Variants in SLF2 observed in about 807,000 individuals in gnomAD.
SLF2 encodes the protein SMC5/6 complex localization factor 2.
In SLF2, 68 loss-of-function variants were observed where a neutral mutation model predicts 124.3. That is an observed-to-expected ratio of 0.55 (90% CI 0.45 to 0.67). The LOEUF is 0.67. Ranked by LOEUF, SLF2 falls within the 30% of genes least tolerant of loss-of-function variation. SLF2 has a pLI of 0.00. For missense variants in SLF2, 1,246 were observed against 1,373.7 expected, an observed-to-expected ratio of 0.91 and a Z score of 1.47; for synonymous variants, 480 against 478.8, an observed-to-expected ratio of 1.00 and a Z score of -0.03.
chr10:100,917,619 C>T (rs11190752), intron 3 of SLF2, among the ~76,000 whole-genome samples: 13,605 of 152,146 alleles, frequency 0.089, 724 homozygotes, highest in African/African-American at 0.15. Flanking sequence ...CTCTGTTGCT[C>T]ATGCTGGAGT....
At chr10:100,947,217 C>A in intron 14 of SLF2, 81 bp downstream of exon 14, 1 of 808,892 alleles carries the variant, frequency 1.2e-6, no homozygotes, top group Non-Finnish European at 1.9e-6. Flanking sequence ...TATTTCCATT[C>A]ATCATTCTTT....
chr10:100,926,045 CT>C lies in SLF2; in HGVS notation c.2042+27del, dbSNP rs1178395674. 3 of 1,614,122 alleles carry C rather than the reference CT, an allele frequency of 1.9e-6. No homozygotes were observed. The South Asian group carries it at 3.3e-5, about 18-fold the overall frequency. The stretch of plus-strand genomic sequence containing the variant: ...GTTTGTTAGCATAAAGATTAATTTG[CT>C]AAATTTAACATTTTGCTTGTTTGTG... On this transcript the variant is annotated intron_variant, in intron 6 of 19. Transcript: ENST00000238961.
chr10:100,917,919 C>CAAAT (rs76103040), intron 3 of SLF2, among the ~76,000 whole-genome samples: 11,597 of 151,656 alleles, frequency 0.076, 594 homozygotes, highest in Non-Finnish European at 0.11. Flanking sequence ...GGCTCTACTA[C>CAAAT]AAATAAATAA....
chr10:100,912,994 A>G lies in SLF2; in HGVS notation c.-117A>G, dbSNP rs1849343414. On this transcript the variant is annotated 5_prime_UTR_variant, in exon 1 of 20. Transcript: ENST00000238961. Reference sequence around the variant, plus strand: ...GAAGAGAGAACCGCCATGAAGAGAGAAGGGGGTGCCGCCCACCTCTGCTCC... The same window carrying G: ...GAAGAGAGAACCGCCATGAAGAGAGGAGGGGGTGCCGCCCACCTCTGCTCC... 3 of 1,124,096 alleles carry G rather than the reference A, an allele frequency of 2.7e-6. No homozygotes were observed. The highest frequency in any genetic ancestry group is 3.8e-6 in the Non-Finnish European group (3 of 790,802). The allele number at this position is 1,124,096 out of a possible 1,614,324, so 69.6% of individuals were successfully genotyped here. A position where few individuals can be genotyped will look rare whatever the true frequency, so the allele number is the denominator to read the frequency against.
Position 100,924,289 on chromosome 10 carries a change from G to A in SLF2, c.1288G>A (p.Gly430Ser). 1 of 1,614,070 alleles carries A rather than the reference G, an allele frequency of 6.2e-7. No individual in the cohort carries two copies. Among genetic ancestry groups the A allele is most frequent in the South Asian group, 1.1e-5 (1 of 91,082 alleles). The change falls in exon 5 of 20, where the codon GGT becomes AGT. Residue 430 changes from glycine (G) to serine (S), a missense_variant. Around this residue, in one of 3 missense-constraint regions of SLF2, gnomAD observed 698 missense variants for 708.9 expected, o/e 0.98. Transcript: ENST00000238961. The stretch of plus-strand genomic sequence containing the variant: ...GAATAGTGACCAAATCCAAGTGGCA[G>A]GTACCAAGGAGACTAAGATGCAGAA... Reference protein sequence around the residue: ...TRNSDQIQVAGTKETKMQKPH... With the variant: ...TRNSDQIQVASTKETKMQKPH...
At chr10:100,960,549 G>A (rs1407478253) in intron 19 of SLF2, among the ~76,000 whole-genome samples, 3 of 152,112 alleles carry the variant, frequency 2.0e-5, no homozygotes, top group Non-Finnish European at 4.4e-5. Context: ...TTGGTCATTT[G>A]TATAGCTTTT....
At chr10:100,945,004 T>A (rs1286197156) in intron 12 of SLF2, among the ~76,000 whole-genome samples, 1 of 151,758 alleles carries the variant, frequency 6.6e-6, no homozygotes, top group Non-Finnish European at 1.5e-5. Flanking sequence ...TACTCCAGCC[T>A]GGGCGACAGA....
chr10:100,927,963 G>C (rs2133775399), intron 6 of SLF2, among the ~76,000 whole-genome samples: 1 of 149,422 alleles, frequency 6.7e-6, no homozygotes, highest in East Asian at 2.0e-4. Context: ...GGTTCACACA[G>C]GTAGAATTTT....
chr10:100,957,233 G>A (rs370429179), intron 18 of SLF2, among the ~76,000 whole-genome samples: 2 of 150,512 alleles, frequency 1.3e-5, no homozygotes, highest in South Asian at 4.2e-4. Context: ...GAAATTTTAT[G>A]ATGGTTGAAA....
intron 6 of SLF2, chr10:100,926,251 G>A: frequency 6.6e-7 from 1 of 1,522,474 alleles, no homozygotes; most frequent in East Asian, 2.5e-5. Flanking sequence ...CAAGGCTGCG[G>A]TGAGTCGTGA....
In SLF2 at chr10:100,929,951, G is replaced by A; in HGVS notation, c.2287G>A (p.Asp763Asn). 6.4e-7 allele frequency: 1 copy of A among 1,563,276 alleles called. No homozygotes were observed. The highest frequency in any genetic ancestry group is 1.4e-5 in the African/African-American group (1 of 72,730). ...IFNQYTLDLR[D>N]SGFIGQSAVE... ...CAATCAGTATACCTTGGATTTAAGA[G>A]ACTCTGGTTTTATTGGACAAAGTGC... The change falls in exon 8 of 20, where the codon GAC becomes AAC. Residue 763 changes from aspartate (D) to asparagine (N), a missense_variant. By Grantham distance (23) the Asp-to-Asn change is conservative. This residue lies in a region of SLF2 where 535 missense variants were observed against 632.8 expected (regional missense o/e 0.85). Coordinates refer to ENST00000238961, the MANE Select transcript of SLF2 (RefSeq NM_018121.4).
Position 100,925,990 on chromosome 10 carries a change from T to C in SLF2, c.2013T>C (p.Arg671=). 1 of 1,612,966 alleles carries C rather than the reference T, an allele frequency of 6.2e-7. No homozygotes were observed. Among genetic ancestry groups the C allele is most frequent in the Non-Finnish European group, 8.5e-7 (1 of 1,179,474 alleles). The part of the protein sequence containing the change: ...HPGTYTNTLE[R]LVKEMEDTQR... ...GAACTTACACAAATACCTTAGAACG[T>C]CTAGTGAAGGAAATGGAAGACACAC... Residue 671 remains arginine (R), a synonymous_variant, in exon 6 of 20, where the codon CGT becomes CGC. Transcript: ENST00000238961.
chr10:100,958,019 A>C (rs1361882170), intron 18 of SLF2, among the ~76,000 whole-genome samples: 7 of 152,200 alleles, frequency 4.6e-5, no homozygotes, highest in Non-Finnish European at 8.8e-5. Flanking sequence ...ACTGCACTCC[A>C]GCCTGGGCGA....
At chr10:100,913,404 A>C in intron 1 of SLF2, 154 bp downstream of exon 1, 1 of 1,360,070 alleles carries the variant, frequency 7.4e-7, no homozygotes, top group Non-Finnish European at 9.5e-7. Context: ...GCCTCCGCGC[A>C]GGGGCTACTG....
At chr10:100,915,583 C>G (rs1040226810) in intron 1 of SLF2, among the ~76,000 whole-genome samples, 1 of 151,998 alleles carries the variant, frequency 6.6e-6, no homozygotes, top group African/African-American at 2.4e-5. Flanking sequence ...AATTTTAAAA[C>G]GCAGCTGTGC....
At chr10:100,923,387 AG>A (rs1849555059) in intron 4 of SLF2, among the ~76,000 whole-genome samples, 1 of 152,152 alleles carries the variant, frequency 6.6e-6, no homozygotes, top group Non-Finnish European at 1.5e-5. Flanking sequence ...GCATCACTCC[AG>A]TCACATAGCA....
chr10:100,931,289 A>T (rs908849165), intron 9 of SLF2, among the ~76,000 whole-genome samples: 1 of 152,336 alleles, frequency 6.6e-6, no homozygotes, highest in African/African-American at 2.4e-5. Context: ...AGTCAGTGTT[A>T]GTTGTGCCTG....
Position 100,950,113 on chromosome 10 carries a change from C to T in SLF2, c.3158C>T (p.Pro1053Leu). ...CATCGCTATCTTGTGCAGATGAAGC[C>T]TTCTGATTTGTTAAAGAAAATGGTC... Reference protein sequence around the residue: ...VLHRYLVQMKPSDLLKKMVLK... With the variant: ...VLHRYLVQMKLSDLLKKMVLK... The change falls in exon 16 of 20, where the codon CCT becomes CTT. Residue 1053 changes from proline (P) to leucine (L), a missense_variant. This residue lies in a region of SLF2 where 535 missense variants were observed against 632.8 expected (regional missense o/e 0.85). Transcript: ENST00000238961. The T allele has an allele frequency of 1.2e-6, 2 of 1,613,552 alleles. No individual in the cohort carries two copies.
At chr10:100,944,195 T>TA in intron 12 of SLF2, 67 bp downstream of exon 12, 4 of 1,150,632 alleles carry the variant, frequency 3.5e-6, no homozygotes, top group Admixed American at 2.9e-5. Flanking sequence ...TTAATGGTTT[T>TA]TAAAAAAAAA....
Sources: allele counts gnomAD v4.1 joint callset (sites outside exome capture counted in the v4.1 genomes callset), GRCh38; gene constraint gnomAD v4.1.1; regional missense constraint gnomAD v4.1.1; transcripts MANE v1.5; gene names NCBI Gene and HGNC (gene_info 2026-07-23, HGNC 2026-07-21).